Variants in GAS7 observed in about 807,000 individuals in gnomAD.
GAS7 encodes growth arrest-specific protein 7.
In GAS7, 28 loss-of-function variants were observed where a neutral mutation model predicts 71.1. That is an observed-to-expected ratio of 0.39 (90% CI 0.29 to 0.54). GAS7 has a LOEUF of 0.54. GAS7 is among the 20% of genes least tolerant of loss of function. GAS7 has a pLI of 0.62. For synonymous variants in GAS7, 258 were observed against 245.8 expected (o/e 1.05, Z -0.46); for missense variants, 436 against 627.8 (o/e 0.69, Z 3.27).
intron 2 of GAS7, among the ~76,000 whole-genome samples, chr17:10,016,611 A>AC (rs1237693509): frequency 6.8e-6 from 1 of 146,122 alleles, no homozygotes; most frequent in Non-Finnish European, 1.5e-5. Flanking sequence ...CCAAAAAAAA[A>AC]AAAAAAAAAA....
At chr17:10,158,336 T>TAAAAAA (rs58514810) in intron 1 of GAS7, among the ~76,000 whole-genome samples, 19 of 83,392 alleles carry the variant, frequency 2.3e-4, no homozygotes, top group African/African-American at 6.8e-4. Flanking sequence ...CTTTTTTTGG[T>TAAAAAA]AAAAAAAAAA....
chr17:10,075,630 G>A (rs1874008500), intron 1 of GAS7, among the ~76,000 whole-genome samples: 1 of 151,562 alleles, frequency 6.6e-6, no homozygotes, highest in African/African-American at 2.4e-5. Context: ...CCCTACGTCT[G>A]CAAAAAATTA....
intron 1 of GAS7, among the ~76,000 whole-genome samples, chr17:10,189,036 T>C (rs1457047842): frequency 6.6e-6 from 1 of 152,230 alleles, no homozygotes; most frequent in Non-Finnish European, 1.5e-5. Flanking sequence ...TTGTTTTAAT[T>C]TATAAAAGCA....
chr17:10,165,704 C>A (rs763630221), intron 1 of GAS7, among the ~76,000 whole-genome samples: 2 of 152,192 alleles, frequency 1.3e-5, no homozygotes, highest in Admixed American at 6.5e-5. Context: ...ACCATACTTA[C>A]CCCTCCTATA....
chr17:10,152,378 G>C (rs2074173179), intron 1 of GAS7, among the ~76,000 whole-genome samples: 1 of 152,256 alleles, frequency 6.6e-6, no homozygotes, highest in Non-Finnish European at 1.5e-5. Flanking sequence ...AAGGCATGCA[G>C]GCGGAACACA....
intron 11 of GAS7, among the ~76,000 whole-genome samples, chr17:9,924,087 G>C (rs548675785): frequency 7.9e-5 from 12 of 152,172 alleles, no homozygotes; most frequent in African/African-American, 2.9e-4. Flanking sequence ...CAAAACACTA[G>C]GAAGAGATGG....
intron 5 of GAS7, among the ~76,000 whole-genome samples, chr17:9,953,446 T>A (rs2069100777): frequency 6.6e-6 from 1 of 152,206 alleles, no homozygotes; most frequent in Admixed American, 6.5e-5. Context: ...AAATCCTCAC[T>A]CCTGCAGGGG....
chr17:10,182,897 T>C (rs1160734791), intron 1 of GAS7, among the ~76,000 whole-genome samples: 1 of 152,350 alleles, frequency 6.6e-6, no homozygotes, highest in Non-Finnish European at 1.5e-5. Flanking sequence ...AGCAGTCTCC[T>C]GAGTTTCACC....
chr17:10,138,543 T>C (rs370739297), intron 1 of GAS7, among the ~76,000 whole-genome samples: 184 of 152,046 alleles, frequency 1.2e-3, no homozygotes, highest in African/African-American at 4.4e-3. Flanking sequence ...GGTGGGCAGA[T>C]CATGGGGTCA....
rs148016237 is a variant in GAS7 at position 9,959,736 on chromosome 17, G to A, written c.472-481C>T. Among the ~76,000 whole-genome samples the A allele has an allele frequency of 1.9e-3, 287 of 152,198 alleles. 2 individuals are homozygous for A. The highest frequency in any genetic ancestry group is 4.3e-3 in the Admixed American group (65 of 15,294). On this transcript the variant is annotated intron_variant, in intron 4 of 13. Coordinates refer to ENST00000432992, the MANE Select transcript of GAS7 (RefSeq NM_201433.2). This position sits in a 1 kb window ranked among gnomAD's most constrained non-coding sequence, Gnocchi z 5.0. ...CTAAATACACACAATGTGCACTGGG[G>A]CGCTGCTCGGTCACCTCCCTGACTC...
intron 2 of GAS7, among the ~76,000 whole-genome samples, chr17:9,986,499 C>G (rs993381342): frequency 6.6e-6 from 1 of 152,192 alleles, no homozygotes; most frequent in African/African-American, 2.4e-5. Context: ...GTCCCCGTTC[C>G]TCTCCCCATC....
chr17:10,046,037 C>T (rs937416451), intron 1 of GAS7, among the ~76,000 whole-genome samples: 9 of 152,144 alleles, frequency 5.9e-5, no homozygotes, highest in Admixed American at 4.6e-4. Flanking sequence ...AATTATCTCA[C>T]GGATCCTTAG....
chr17:10,013,718 CA>C (rs377210833), intron 2 of GAS7, among the ~76,000 whole-genome samples: 4 of 152,254 alleles, frequency 2.6e-5, no homozygotes, highest in African/African-American at 9.6e-5. Context: ...TGATTTAAAA[CA>C]ACACTCTTAT....
chr17:10,086,733 G>A (rs909756959), intron 1 of GAS7, among the ~76,000 whole-genome samples: 2 of 152,224 alleles, frequency 1.3e-5, no homozygotes, highest in Non-Finnish European at 2.9e-5. Context: ...CCTGCCATGG[G>A]TCAGGTATAA....
intron 1 of GAS7, among the ~76,000 whole-genome samples, chr17:10,128,270 TA>T (rs1230079084): frequency 2.0e-5 from 3 of 152,218 alleles, no homozygotes; most frequent in Admixed American, 2.0e-4. Flanking sequence ...ATCCCCTTCC[TA>T]AATCAAGGCC....
intron 1 of GAS7, among the ~76,000 whole-genome samples, chr17:10,178,701 C>CTTTTTT (rs2074391615): frequency 2.2e-5 from 2 of 90,664 alleles, no homozygotes; most frequent in Admixed American, 2.9e-4. Context: ...TCCCCCACCA[C>CTTTTTT]CTTTTTTTTT....
chr17:10,162,066 C>CA (rs58368044), intron 1 of GAS7, among the ~76,000 whole-genome samples: 25,396 of 103,364 alleles, frequency 0.25, 3,304 homozygotes, highest in Middle Eastern at 0.35. Flanking sequence ...GACTCCATCT[C>CA]AAAAAAAAAA....
intron 4 of GAS7, among the ~76,000 whole-genome samples, chr17:9,967,767 G>C (rs1196495073): frequency 6.6e-6 from 1 of 152,070 alleles, no homozygotes; most frequent in Admixed American, 6.6e-5. Flanking sequence ...AGTTAGGCTG[G>C]GTCTAGTGTT....
intron 1 of GAS7, among the ~76,000 whole-genome samples, chr17:10,054,885 C>A (rs555667938): frequency 6.6e-6 from 1 of 152,074 alleles, no homozygotes; most frequent in Non-Finnish European, 1.5e-5. Context: ...AAAGGAAGCA[C>A]AAGACAAGAT....
Sources: gnomAD v4.1 joint callset for allele counts (sites outside exome capture counted in the v4.1 genomes callset) on GRCh38, gnomAD v4.1.1 for gene constraint, Gnocchi (gnomAD v3.1) non-coding constraint, MANE v1.5 for transcripts, NCBI Gene and HGNC (gene_info 2026-07-23, HGNC 2026-07-21) for gene names.